FAM9B: variants seen among roughly 807,000 people sequenced by gnomAD.
FAM9B encodes family with sequence similarity 9 member B.
In FAM9B, 18 loss-of-function variants were observed where a neutral mutation model predicts 16.6. That is an observed-to-expected ratio of 1.09 (90% CI 0.75 to 1.61). FAM9B has a LOEUF of 1.61. FAM9B is among the 40% of genes most tolerant of loss of function. The pLI is 0.00. For synonymous variants in FAM9B, 43 were observed against 42.6 expected (o/e 1.01, Z -0.03); for missense variants, 155 against 136.0 (o/e 1.14, Z -0.70).
chrX:9,027,514 C>T (rs1177841406), intron 7 of FAM9B, among the ~76,000 whole-genome samples: 1 of 111,152 alleles, frequency 9.0e-6, no homozygotes, highest in Non-Finnish European at 1.9e-5. Flanking sequence ...TATCCTACTG[C>T]TCAAGGTCAT....
intron 4 of FAM9B, chrX:9,031,531 A>G (rs1043007740): frequency 1.9e-4 from 21 of 111,642 alleles, no homozygotes; most frequent in African/African-American, 5.9e-4. Flanking sequence ...ACAATAGAAC[A>G]GCTAAATTAG....
chrX:9,030,199 T>C (rs763549353), intron 5 of FAM9B, 62 bp downstream of exon 5: 16 of 1,162,478 alleles, frequency 1.4e-5, no homozygotes, highest in Non-Finnish European at 1.5e-5. Context: ...TGAAATTATT[T>C]GCACCAACTA....
intron 7 of FAM9B, among the ~76,000 whole-genome samples, chrX:9,027,386 T>C (rs1920977190): frequency 8.9e-6 from 1 of 111,804 alleles, no homozygotes; most frequent in African/African-American, 3.2e-5. Context: ...TATGGACCTC[T>C]TGCCTTCCAC....
At chrX:9,032,791 C>T in intron 2 of FAM9B, 168 bp downstream of exon 2, 1 of 744,497 alleles carries the variant, frequency 1.3e-6, no homozygotes, top group East Asian at 3.4e-5. Flanking sequence ...GCCTAAGGCC[C>T]TTGAGCCTGC....
At chrX:9,029,719 C>T (rs1351525866) in intron 5 of FAM9B, among the ~76,000 whole-genome samples, 1 of 111,835 alleles carries the variant, frequency 8.9e-6, no homozygotes, top group African/African-American at 3.2e-5. Flanking sequence ...TCCATTTCCT[C>T]TTACTGAATA....
At chrX:9,029,497 G>C in intron 5 of FAM9B, 79 bp from the exon 6 acceptor site, 3 of 643,407 alleles carry the variant, frequency 4.7e-6, no homozygotes, top group South Asian at 3.1e-5. Context: ...AAACTGACTT[G>C]ACATAATTTA....
intron 4 of FAM9B, chrX:9,031,601 C>T (rs1217612251): frequency 9.0e-6 from 1 of 111,318 alleles, no homozygotes; most frequent in African/African-American, 3.3e-5. Flanking sequence ...AGAGGAACAA[C>T]AGACAACTGG....
chrX:9,031,468 A>G, intron 4 of FAM9B: 1 of 112,026 alleles, frequency 8.9e-6, no homozygotes, highest in East Asian at 2.8e-4. Flanking sequence ...AAATGATTTT[A>G]GAAAATTCAA....
intron 7 of FAM9B, 35 bp from the exon 8 acceptor site, chrX:9,025,618 C>A: frequency 9.5e-7 from 1 of 1,057,660 alleles, no homozygotes; most frequent in Non-Finnish European, 1.3e-6. Flanking sequence ...GACAAACCAC[C>A]ACTTTATATC....
intron 1 of FAM9B, 121 bp from the exon 2 acceptor site, chrX:9,033,196 G>T: frequency 8.8e-7 from 1 of 1,139,799 alleles, no homozygotes. Context: ...TGTGGGAGCA[G>T]GAAGGGACGG....
At chrX:9,025,750 A>G (rs141037288) in intron 7 of FAM9B, among the ~76,000 whole-genome samples, 167 bp from the exon 8 acceptor site, 26 of 112,128 alleles carry the variant, frequency 2.3e-4, no homozygotes, top group African/African-American at 6.2e-4. Context: ...CAAATACCCA[A>G]TTAAATTTTT....
At chrX:9,026,204 AG>A (rs1920965275) in intron 7 of FAM9B, among the ~76,000 whole-genome samples, 1 of 112,248 alleles carries the variant, frequency 8.9e-6, no homozygotes. Context: ...CTGCTATGGA[AG>A]GGCAACTCAC....
intron 6 of FAM9B, among the ~76,000 whole-genome samples, chrX:9,028,591 T>C (rs1213967384): frequency 4.5e-5 from 5 of 111,774 alleles, no homozygotes; most frequent in African/African-American, 6.5e-5. Context: ...CAGAAACCCT[T>C]TGATCCTCCA....
Position 9,032,165 on chromosome X carries a change from TA to T in FAM9B, c.150-5del. The T allele has an allele frequency of 8.3e-7, 1 of 1,203,472 alleles. No homozygotes were observed. Among genetic ancestry groups the T allele is most frequent in the African/African-American group, 1.7e-5 (1 of 57,296 alleles). On this transcript the variant is annotated splice_polypyrimidine_tract_variant and splice_region_variant and intron_variant, in intron 3 of 8. Transcript: ENST00000327220. ...TTCTGGCTTCTTGGTATTAGCCCTG[TA>T]AAAAAAGTTACATCAAAATTTTAAC...
At chrX:9,028,441 G>A (rs1428483776) in intron 6 of FAM9B, among the ~76,000 whole-genome samples, 1 of 110,915 alleles carries the variant, frequency 9.0e-6, no homozygotes, top group African/African-American at 3.3e-5. Context: ...TCTCCTCTAC[G>A]TGGCACTCAC....
intron 7 of FAM9B, among the ~76,000 whole-genome samples, chrX:9,026,235 T>C (rs778073841): frequency 8.9e-6 from 1 of 111,940 alleles, no homozygotes; most frequent in Non-Finnish European, 1.9e-5. Context: ...TAGCCAAAAA[T>C]GGAGACTGAT....
intron 5 of FAM9B, chrX:9,030,031 T>C (rs1306784285): frequency 3.9e-6 from 2 of 513,304 alleles, no homozygotes; most frequent in South Asian, 4.8e-5. Flanking sequence ...GCTATTTTTA[T>C]CTGGAAGGCA....
At chrX:9,033,566 G>A (rs868080380) in intron 1 of FAM9B, among the ~76,000 whole-genome samples, 2 of 9,219 alleles carry the variant, frequency 2.2e-4, no homozygotes, top group Non-Finnish European at 4.1e-4. Flanking sequence ...CAACACCCCC[G>A]CCTCACTCCC....
At chrX:9,029,251 T>C in intron 6 of FAM9B, 56 bp downstream of exon 6, 1 of 967,057 alleles carries the variant, frequency 1.0e-6, no homozygotes, top group Non-Finnish European at 1.5e-6. Context: ...CATGAACTAT[T>C]ACTACCTGAG....
Sources: gnomAD v4.1 joint callset for allele counts (sites outside exome capture counted in the v4.1 genomes callset) on GRCh38, gnomAD v4.1.1 for gene constraint, MANE v1.5 for transcripts, NCBI Gene and HGNC (gene_info 2026-07-23, HGNC 2026-07-21) for gene names.